The following ARMC2 variants were observed in gnomAD, a reference collection of about 807,000 sequenced individuals.
The protein encoded by ARMC2 is armadillo repeat-containing protein 2.
Under a neutral mutation model 90.3 loss-of-function variants are expected in ARMC2, and 67 were observed. The ratio of observed to expected loss-of-function variants is 0.74; its 90% CI spans 0.61 to 0.91. The LOEUF (loss-of-function observed/expected upper bound fraction) is 0.91, where lower values mean the gene tolerates loss of function less well. Among genes scored for constraint, ARMC2 ranks in the 40% least tolerant of loss-of-function variants. ARMC2 has a pLI of 0.00. For synonymous variants in ARMC2, 393 were observed against 393.0 expected (o/e 1.00, Z 0.00); for missense variants, 920 against 1,030.9 (o/e 0.89, Z 1.47).
At chr6:109,009,440 C>A in the ARMC2 span, 2 of 1,368,260 alleles carry the variant, frequency 1.5e-6, no homozygotes, top group Non-Finnish European at 9.5e-7. Flanking sequence ...ACGCCTCGTT[C>A]GCGGCGGCGG....
At chr6:108,924,656 G>T (rs1774942485) in intron 10 of ARMC2, among the ~76,000 whole-genome samples, 1 of 152,156 alleles carries the variant, frequency 6.6e-6, no homozygotes. Context: ...GGGTGGTGCC[G>T]AGGCAAAGGA....
the ARMC2 span, among the ~76,000 whole-genome samples, chr6:109,006,598 T>C: frequency 1.2e-4 from 19 of 152,216 alleles, no homozygotes; most frequent in African/African-American, 4.6e-4. Context: ...GGTTCTAGAG[T>C]TGGTATCTTT....
At chr6:108,879,209 C>T (rs1434020666) in intron 5 of ARMC2, among the ~76,000 whole-genome samples, 2 of 150,346 alleles carry the variant, frequency 1.3e-5, no homozygotes, top group Non-Finnish European at 3.0e-5. Context: ...TCTGTCTACC[C>T]ATCCACCCAT....
chr6:108,964,119 A>G, intron 15 of ARMC2, 61 bp from the exon 16 acceptor site: 1 of 1,570,312 alleles, frequency 6.4e-7, no homozygotes, highest in Non-Finnish European at 8.6e-7. Flanking sequence ...CATCTGTAAA[A>G]CAAGAGACAG....
At chr6:109,019,575 CATAA>C in the ARMC2 span, among the ~76,000 whole-genome samples, 1 of 152,174 alleles carries the variant, frequency 6.6e-6, no homozygotes, top group African/African-American at 2.4e-5. Context: ...TTCAAGAAAA[CATAA>C]ATAAAGTCAC....
chr6:109,038,415 C>A, the ARMC2 span, among the ~76,000 whole-genome samples: 2 of 152,232 alleles, frequency 1.3e-5, no homozygotes, highest in Non-Finnish European at 2.9e-5. Flanking sequence ...TTGCTTGAAC[C>A]TGGTTGTCAG....
chr6:108,992,203 A>G, the ARMC2 span, among the ~76,000 whole-genome samples: 10 of 152,156 alleles, frequency 6.6e-5, no homozygotes, highest in African/African-American at 2.4e-4. Context: ...GGCTCAAGTG[A>G]TCTTCCCACC....
chr6:108,952,525 G>A (rs1485725585), intron 12 of ARMC2, among the ~76,000 whole-genome samples: 1 of 145,664 alleles, frequency 6.9e-6, no homozygotes, highest in African/African-American at 2.6e-5. Flanking sequence ...TGGAGGCCAG[G>A]TGTGCTGCCA....
At chr6:108,968,920 C>T (rs1338383502) in intron 17 of ARMC2, among the ~76,000 whole-genome samples, 2 of 152,110 alleles carry the variant, frequency 1.3e-5, no homozygotes, top group Admixed American at 6.6e-5. Flanking sequence ...TTTAAAAGAA[C>T]GTGGTCTGAA....
At chr6:109,026,106 A>G in the ARMC2 span, among the ~76,000 whole-genome samples, 2 of 152,346 alleles carry the variant, frequency 1.3e-5, no homozygotes, top group East Asian at 1.9e-4. Context: ...AACTAAGCTG[A>G]CAGCCTAATT....
intron 5 of ARMC2, among the ~76,000 whole-genome samples, chr6:108,884,566 A>T (rs556490235): frequency 2.0e-5 from 3 of 152,294 alleles, no homozygotes; most frequent in African/African-American, 7.2e-5. Flanking sequence ...GGGATGGAGC[A>T]CTGTGTTCTT....
intron 7 of ARMC2, among the ~76,000 whole-genome samples, chr6:108,900,753 C>T (rs1772054537): frequency 6.6e-6 from 1 of 152,148 alleles, no homozygotes; most frequent in South Asian, 2.1e-4. Flanking sequence ...ACTCGCCAAG[C>T]GTATGGCCAT....
Position 108,965,141 on chromosome 6 carries a change from G to GT in ARMC2, c.2446+2dup, listed in dbSNP as rs745740892. ...TTACTCTTGCTCTCATCATTTTTAGGTAAGACTCTTGACTATGATGAGTCT... is the reference window on the plus strand; with the variant it reads ...TTACTCTTGCTCTCATCATTTTTAGGTTAAGACTCTTGACTATGATGAGTCT... On this transcript the variant is annotated splice_donor_variant, in intron 17 of 17. Coordinates refer to ENST00000392644, the MANE Select transcript of ARMC2 (RefSeq NM_032131.6). LOFTEE classifies it high-confidence loss of function. The GT allele has an allele frequency of 1.2e-6, 2 of 1,600,038 alleles. No individual in the cohort carries two copies. The highest frequency in any genetic ancestry group is 8.6e-7 in the Non-Finnish European group (1 of 1,168,236).
At chr6:109,001,128 A>C in the ARMC2 span, among the ~76,000 whole-genome samples, 1 of 152,172 alleles carries the variant, frequency 6.6e-6, no homozygotes, top group Non-Finnish European at 1.5e-5. Flanking sequence ...TATACTTGAG[A>C]GCGTACTTAT....
chr6:108,882,662 AAG>A (rs1446451633), intron 5 of ARMC2, among the ~76,000 whole-genome samples: 1 of 152,188 alleles, frequency 6.6e-6, no homozygotes, highest in East Asian at 1.9e-4. Flanking sequence ...ATCTTACAAA[AAG>A]AAATGAATAA....
intron 3 of ARMC2, among the ~76,000 whole-genome samples, chr6:108,868,596 G>A (rs988201555): frequency 1.3e-5 from 2 of 152,178 alleles, no homozygotes; most frequent in South Asian, 2.1e-4. Flanking sequence ...TAATAGCACA[G>A]CAGAGTAGTT....
Position 108,873,618 on chromosome 6 carries a change from G to C in ARMC2, c.464-2525G>C, listed in dbSNP as rs573200807. Among the ~76,000 whole-genome samples the C allele has an allele frequency of 4.2e-4, 64 of 152,362 alleles. 1 individual carries two copies. The highest frequency in any genetic ancestry group is 1.4e-3 in the African/African-American group (58 of 41,580). On this transcript the variant is annotated intron_variant, in intron 4 of 17. Transcript: ENST00000392644. ...TAAGAGTTTCAAGATAGCCACAGCA[G>C]AGCCTTAAAACAAGTATAGGCCCTT...
Position 108,965,019 on chromosome 6 carries a change from G to C in ARMC2, c.2325G>C (p.Trp775Cys), listed in dbSNP as rs144079558. ...TAAGAGATTTGGGTCCTACTGATTG[G>C]CAGCTGGCCTGCTTGGTTTGTAAAA... ...DCLRDLGPTDWQLACLVCKTL... is the reference protein window; with the variant it reads ...DCLRDLGPTDCQLACLVCKTL... Residue 775 changes from tryptophan to cysteine, a missense_variant, in exon 17 of 18, where the codon TGG (tryptophan) becomes TGC (cysteine). Trp to Cys is a radical substitution (Grantham distance 215). Transcript: ENST00000392644. 257 of 1,613,102 alleles carry C rather than the reference G, an allele frequency of 1.6e-4. No individual in the cohort carries two copies. Among genetic ancestry groups the C allele is most frequent in the Non-Finnish European group, 3.3e-5 (39 of 1,179,294 alleles).
intron 5 of ARMC2, among the ~76,000 whole-genome samples, chr6:108,892,095 A>G (rs1771133087): frequency 6.6e-6 from 1 of 152,212 alleles, no homozygotes; most frequent in Non-Finnish European, 1.5e-5. Context: ...GAAGCCCATT[A>G]GTTGAAAAGT....
Sources: allele counts gnomAD v4.1 joint callset (sites outside exome capture counted in the v4.1 genomes callset), GRCh38; gene constraint gnomAD v4.1.1; transcripts MANE v1.5; gene names NCBI Gene and HGNC (gene_info 2026-07-23, HGNC 2026-07-21).